The following APBA1 variants were observed in gnomAD, a reference collection of about 807,000 sequenced individuals.
The protein encoded by APBA1 is amyloid beta precursor protein binding family A member 1.
In APBA1, 55 loss-of-function variants were observed where a neutral mutation model predicts 86.6. That is an observed-to-expected ratio of 0.64 (90% confidence interval 0.51 to 0.80). The LOEUF (loss-of-function observed/expected upper bound fraction) is 0.80, where lower values mean the gene tolerates loss of function less well. Among genes scored for constraint, APBA1 ranks in the 30% least tolerant of loss-of-function variants. The pLI, the probability that APBA1 is intolerant of heterozygous loss-of-function variation, is 0.00. For missense variants in APBA1, 1,090 were observed against 1,183.0 expected (o/e 0.92, Z 1.15); for synonymous variants, 511 against 493.9 (o/e 1.03, Z -0.46).
At chr9:69,527,075 T>C (rs992400289) in intron 1 of APBA1, among the ~76,000 whole-genome samples, 1 of 152,004 alleles carries the variant, frequency 6.6e-6, no homozygotes, top group Admixed American at 6.6e-5. Context: ...TGGGGACTAC[T>C]AGAGTGGGGA....
At chr9:69,531,197 A>G (rs537362610) in intron 1 of APBA1, among the ~76,000 whole-genome samples, 1 of 152,244 alleles carries the variant, frequency 6.6e-6, no homozygotes, top group Non-Finnish European at 1.5e-5. Context: ...TGACAGTTAC[A>G]CATGGCTAGT....
At chr9:69,476,691 T>C (rs1484302562) in intron 2 of APBA1, among the ~76,000 whole-genome samples, 1 of 152,208 alleles carries the variant, frequency 6.6e-6, no homozygotes, top group Non-Finnish European at 1.5e-5. Flanking sequence ...CTATTGAAAA[T>C]TCAGAGACAT....
At chr9:69,568,256 C>T (rs1255004723) in intron 1 of APBA1, among the ~76,000 whole-genome samples, 1 of 152,138 alleles carries the variant, frequency 6.6e-6, no homozygotes, top group Non-Finnish European at 1.5e-5. Flanking sequence ...GATCACACTT[C>T]AACAAACACA....
At chr9:69,567,883 G>T (rs1837053941) in intron 1 of APBA1, among the ~76,000 whole-genome samples, 1 of 152,104 alleles carries the variant, frequency 6.6e-6, no homozygotes, top group Non-Finnish European at 1.5e-5. Flanking sequence ...GTGTAGGAGA[G>T]TGCTGCCTCC....
chr9:69,431,547 C>A, intron 12 of APBA1, 149 bp from the exon 13 acceptor site: 3 of 628,460 alleles, frequency 4.8e-6, no homozygotes. Context: ...GGGACCTGAC[C>A]CAGGGTGGCC....
At chr9:69,567,336 G>A (rs952850508) in intron 1 of APBA1, among the ~76,000 whole-genome samples, 3 of 152,016 alleles carry the variant, frequency 2.0e-5, no homozygotes, top group Non-Finnish European at 4.4e-5. Context: ...GGAAATTCCT[G>A]CCGCCCCCAC....
intron 1 of APBA1, among the ~76,000 whole-genome samples, chr9:69,667,612 T>C (rs1211232273): frequency 2.0e-5 from 3 of 150,176 alleles, no homozygotes; most frequent in Admixed American, 6.7e-5. Flanking sequence ...ATTCCCTCAA[T>C]TGAGCCTCTC....
intron 2 of APBA1, among the ~76,000 whole-genome samples, chr9:69,486,851 ATTTTTTTTTTCTTCTTTTCT>A (rs1324988875): frequency 2.0e-5 from 3 of 148,128 alleles, no homozygotes; most frequent in South Asian, 2.2e-4. Flanking sequence ...GGGAGTAGAT[ATTTTTTTTTTCTTCTTTTCT>A]TTTTTTTTTC....
At chr9:69,611,076 G>C (rs1337359175) in intron 1 of APBA1, among the ~76,000 whole-genome samples, 1 of 151,628 alleles carries the variant, frequency 6.6e-6, no homozygotes, top group Non-Finnish European at 1.5e-5. Context: ...AAGTCTGGAA[G>C]GGCTTTCAAA....
intron 1 of APBA1, among the ~76,000 whole-genome samples, chr9:69,658,409 T>A (rs994435204): frequency 6.7e-6 from 1 of 150,208 alleles, no homozygotes; most frequent in South Asian, 2.1e-4. Context: ...TCCCTCTCTC[T>A]TTCTTTCTTT....
intron 1 of APBA1, among the ~76,000 whole-genome samples, chr9:69,588,553 C>A: frequency 6.8e-6 from 1 of 147,370 alleles, no homozygotes. Context: ...GAAAAAAAAA[C>A]AGTTTGGAGA....
intron 1 of APBA1, among the ~76,000 whole-genome samples, chr9:69,641,407 T>A (rs773469335): frequency 1.3e-5 from 2 of 152,198 alleles, no homozygotes; most frequent in African/African-American, 2.4e-5. Flanking sequence ...AAGTAGATTA[T>A]AAAAGTTATA....
At chr9:69,645,667 G>A (rs1823377546) in intron 1 of APBA1, among the ~76,000 whole-genome samples, 1 of 152,198 alleles carries the variant, frequency 6.6e-6, no homozygotes, top group South Asian at 2.1e-4. Context: ...GCTCTCTTCA[G>A]CAGTGGCAGG....
chr9:69,584,060 G>A (rs185178659), intron 1 of APBA1, among the ~76,000 whole-genome samples: 1 of 152,342 alleles, frequency 6.6e-6, no homozygotes, highest in Admixed American at 6.5e-5. Context: ...CTCTCCAGCT[G>A]TGAGCCACAC....
At chr9:69,436,263 C>A (rs1466906930) in intron 11 of APBA1, among the ~76,000 whole-genome samples, 1 of 149,910 alleles carries the variant, frequency 6.7e-6, no homozygotes, top group Non-Finnish European at 1.5e-5. Context: ...GCAATGTGGG[C>A]TCTTTTTTGG....
chr9:69,525,940 C>T (rs28801499), intron 1 of APBA1, among the ~76,000 whole-genome samples: 28,014 of 151,972 alleles, frequency 0.18, 2,647 homozygotes, highest in Admixed American at 0.23. Flanking sequence ...GATCTTCAGT[C>T]GAAGTCAAGA....
chr9:69,597,839 C>G (rs1822262214), intron 1 of APBA1, among the ~76,000 whole-genome samples: 1 of 152,144 alleles, frequency 6.6e-6, no homozygotes, highest in African/African-American at 2.4e-5. Flanking sequence ...GTTGGTGGGA[C>G]TGTAAACTAG....
intron 1 of APBA1, among the ~76,000 whole-genome samples, chr9:69,532,837 CCA>C (rs1198574011): frequency 6.6e-6 from 1 of 152,184 alleles, no homozygotes. Flanking sequence ...AACCTTTCTT[CCA>C]TCTATAAAAT....
At chr9:69,448,725 T>C (rs536023881) in intron 10 of APBA1, among the ~76,000 whole-genome samples, 15 of 152,212 alleles carry the variant, frequency 9.9e-5, no homozygotes, top group Middle Eastern at 6.8e-3. Context: ...AGCTAAGTCT[T>C]TCAGGAAACC....
Sources: allele counts gnomAD v4.1 joint callset (sites outside exome capture counted in the v4.1 genomes callset), GRCh38; gene constraint gnomAD v4.1.1; transcripts MANE v1.5; gene names NCBI Gene and HGNC (gene_info 2026-07-23, HGNC 2026-07-21).